Variants in NAALADL2 observed in about 807,000 individuals in gnomAD.
The protein encoded by NAALADL2 is N-acetylated alpha-linked acidic dipeptidase like 2.
In NAALADL2, 76 loss-of-function variants were observed where a neutral mutation model predicts 87.2. The ratio of observed to expected loss-of-function variants is 0.87; its 90% CI spans 0.72 to 1.05. NAALADL2 has a LOEUF of 1.05. NAALADL2 is among the 50% of genes least tolerant of loss of function. The probability of loss-of-function intolerance (pLI) is 0.00; values close to 1 mark genes in which losing one functional copy is unlikely to be tolerated. For synonymous variants in NAALADL2, 354 were observed against 331.0 expected, an observed-to-expected ratio of 1.07 and a Z score of -0.75; for missense variants, 1,089 against 945.8, an observed-to-expected ratio of 1.15 and a Z score of -1.99.
At chr3:175,218,768 C>T (rs1419471372) in intron 2 of NAALADL2, among the ~76,000 whole-genome samples, 1 of 151,590 alleles carries the variant, frequency 6.6e-6, no homozygotes, top group Non-Finnish European at 1.5e-5. Flanking sequence ...ATGAGTGATT[C>T]ATCCTATTCA....
chr3:174,598,186 T>C (rs1325794712), intron 2 of NAALADL2, among the ~76,000 whole-genome samples: 1 of 152,152 alleles, frequency 6.6e-6, no homozygotes, highest in African/African-American at 2.4e-5. Flanking sequence ...TTGGTAAACA[T>C]CATTTAAAAT....
At chr3:174,923,881 A>G (rs1285111433) in intron 1 of NAALADL2, among the ~76,000 whole-genome samples, 1 of 152,140 alleles carries the variant, frequency 6.6e-6, no homozygotes, top group Admixed American at 6.5e-5. Flanking sequence ...GTAGTTCATC[A>G]GTTCAAAAAA....
intron 2 of NAALADL2, among the ~76,000 whole-genome samples, chr3:174,728,462 T>C (rs1732407774): frequency 6.6e-6 from 1 of 152,052 alleles, no homozygotes; most frequent in South Asian, 2.1e-4. Flanking sequence ...TAGTAATAGG[T>C]AGCCTTTTTG....
chr3:175,722,267 C>T (rs952704788), intron 11 of NAALADL2, among the ~76,000 whole-genome samples: 1 of 151,986 alleles, frequency 6.6e-6, no homozygotes. Flanking sequence ...AAATGTTTGA[C>T]CTTTTGGGAA....
intron 3 of NAALADL2, among the ~76,000 whole-genome samples, chr3:174,787,637 T>A (rs1716970619): frequency 1.9e-5 from 1 of 52,728 alleles, no homozygotes; most frequent in African/African-American, 6.5e-5. Context: ...GACTCTCCCA[T>A]TTATATTTCA....
At chr3:174,648,142 T>C (rs1723988768) in intron 2 of NAALADL2, among the ~76,000 whole-genome samples, 1 of 152,178 alleles carries the variant, frequency 6.6e-6, no homozygotes, top group Non-Finnish European at 1.5e-5. Flanking sequence ...ATATAACTTT[T>C]ATTACAGTAT....
chr3:175,634,547 T>C (rs11922483), intron 11 of NAALADL2, among the ~76,000 whole-genome samples: 40,414 of 151,770 alleles, frequency 0.27, 6,218 homozygotes, highest in African/African-American at 0.43. Flanking sequence ...AAAGAAAGAT[T>C]CCAAATACCT....
chr3:174,647,748 C>A (rs1723944645), intron 2 of NAALADL2, among the ~76,000 whole-genome samples: 1 of 152,130 alleles, frequency 6.6e-6, no homozygotes, highest in Non-Finnish European at 1.5e-5. Context: ...AGTGACAAAT[C>A]TTTTTCACTT....
At chr3:175,611,526 A>C (rs1201982759) in intron 10 of NAALADL2, among the ~76,000 whole-genome samples, 1 of 152,120 alleles carries the variant, frequency 6.6e-6, no homozygotes, top group African/African-American at 2.4e-5. Context: ...TTTTAAGTCT[A>C]GAAGTTTAAT....
At chr3:175,138,206 G>A (rs577244698) in intron 2 of NAALADL2, among the ~76,000 whole-genome samples, 1 of 152,234 alleles carries the variant, frequency 6.6e-6, no homozygotes, top group East Asian at 1.9e-4. Flanking sequence ...AGAGAATGAA[G>A]CAGATTATCA....
At chr3:175,483,341 T>C (rs1453632303) in intron 9 of NAALADL2, among the ~76,000 whole-genome samples, 10 of 150,444 alleles carry the variant, frequency 6.6e-5, no homozygotes, top group African/African-American at 2.5e-4. Flanking sequence ...TTTTTTTTTT[T>C]AACTTTCCTT....
At chr3:174,550,991 A>G (rs1386020171) in intron 2 of NAALADL2, 1 of 151,848 alleles carries the variant, frequency 6.6e-6, no homozygotes, top group East Asian at 1.9e-4. Context: ...ATTTTATTTT[A>G]TTTTATTTTA....
chr3:174,607,604 C>G (rs1189985519), intron 2 of NAALADL2, among the ~76,000 whole-genome samples: 12 of 151,832 alleles, frequency 7.9e-5, no homozygotes, highest in African/African-American at 2.9e-4. Flanking sequence ...ATCAATTCAA[C>G]AAGAAGAGCT....
intron 13 of NAALADL2, among the ~76,000 whole-genome samples, chr3:175,777,348 C>T (rs549733168): frequency 3.9e-5 from 6 of 152,006 alleles, no homozygotes; most frequent in South Asian, 2.1e-4. Context: ...CTCTGTGCCC[C>T]GTTTCCTTCT....
chr3:174,664,783 T>C (rs1257787106), intron 2 of NAALADL2, among the ~76,000 whole-genome samples: 2 of 152,222 alleles, frequency 1.3e-5, no homozygotes, highest in African/African-American at 4.8e-5. Context: ...TTAAAGGGAA[T>C]ATTGATTTAC....
intron 5 of NAALADL2, among the ~76,000 whole-genome samples, chr3:175,422,410 G>A (rs530595565): frequency 6.6e-6 from 1 of 152,120 alleles, no homozygotes. Flanking sequence ...ATCTAAGATG[G>A]ATTAAACTAC....
chr3:174,758,025 C>T (rs1046615328), intron 3 of NAALADL2, among the ~76,000 whole-genome samples: 2 of 152,160 alleles, frequency 1.3e-5, no homozygotes, highest in Non-Finnish European at 2.9e-5. Flanking sequence ...TGAAAAGGCT[C>T]ATATGAGCCT....
chr3:175,702,505 A>T, intron 11 of NAALADL2, among the ~76,000 whole-genome samples: 1 of 152,186 alleles, frequency 6.6e-6, no homozygotes, highest in East Asian at 1.9e-4. Flanking sequence ...CTGCCTACAA[A>T]GTTACCAAAT....
intron 1 of NAALADL2, among the ~76,000 whole-genome samples, chr3:174,974,796 GAGAA>G (rs1412139756): frequency 2.0e-5 from 3 of 152,090 alleles, no homozygotes; most frequent in African/African-American, 7.2e-5. Flanking sequence ...GGGAGACAGA[GAGAA>G]AGAGAAAGAG....
Sources: gnomAD v4.1 joint callset for allele counts (sites outside exome capture counted in the v4.1 genomes callset) on GRCh38, gnomAD v4.1.1 for gene constraint, MANE v1.5 for transcripts, NCBI Gene and HGNC (gene_info 2026-07-23, HGNC 2026-07-21) for gene names.